Variants in CCSER1 observed in about 807,000 individuals in gnomAD.
CCSER1 encodes the protein coiled-coil serine rich protein 1.
Under a neutral mutation model 82.0 loss-of-function variants are expected in CCSER1, and 41 were observed. That is an observed-to-expected ratio of 0.50 (90% CI 0.39 to 0.65). The LOEUF is 0.65. Ranked by LOEUF, CCSER1 falls within the 30% of genes least tolerant of loss-of-function variation. The probability of loss-of-function intolerance (pLI) is 0.00; values close to 1 mark genes in which losing one functional copy is unlikely to be tolerated. For synonymous variants in CCSER1, 414 were observed against 383.9 expected (o/e 1.08, Z -0.92); for missense variants, 1,119 against 1,064.2 (o/e 1.05, Z -0.72).
At chr4:90,757,404 A>G (rs541995250) in intron 7 of CCSER1, among the ~76,000 whole-genome samples, 2 of 152,300 alleles carry the variant, frequency 1.3e-5, no homozygotes, top group South Asian at 4.1e-4. Flanking sequence ...TTTGGCTATT[A>G]TATCTCTCAA....
intron 8 of CCSER1, among the ~76,000 whole-genome samples, chr4:90,872,868 A>G (rs907447748): frequency 6.6e-6 from 1 of 151,874 alleles, no homozygotes; most frequent in Non-Finnish European, 1.5e-5. Context: ...TTCATGTTTG[A>G]AAGATATTTT....
intron 10 of CCSER1, among the ~76,000 whole-genome samples, chr4:91,237,994 G>A (rs747636784): frequency 2.0e-4 from 30 of 152,056 alleles, no homozygotes; most frequent in Admixed American, 5.2e-4. Flanking sequence ...GAAGCCTCTG[G>A]GGATAGAGAG....
chr4:91,309,997 C>G (rs1560581604), intron 10 of CCSER1, among the ~76,000 whole-genome samples: 1 of 151,948 alleles, frequency 6.6e-6, no homozygotes, highest in Non-Finnish European at 1.5e-5. Context: ...CCAGGCCTCT[C>G]TCTTAACATC....
At chr4:90,492,985 G>A (rs1408334344) in intron 5 of CCSER1, among the ~76,000 whole-genome samples, 2 of 152,068 alleles carry the variant, frequency 1.3e-5, no homozygotes, top group Non-Finnish European at 1.5e-5. Context: ...GAGGAAGTTC[G>A]AACCCTTTGA....
intron 3 of CCSER1, among the ~76,000 whole-genome samples, chr4:90,345,950 C>T (rs974485126): frequency 2.0e-5 from 3 of 151,952 alleles, no homozygotes; most frequent in African/African-American, 7.2e-5. Flanking sequence ...GGTTTTGGCT[C>T]TACCTGTCTT....
intron 10 of CCSER1, among the ~76,000 whole-genome samples, chr4:91,258,203 A>G (rs1022880401): frequency 2.6e-5 from 4 of 152,222 alleles, no homozygotes; most frequent in African/African-American, 9.6e-5. Context: ...GTAGAAATGT[A>G]TTTTTTTCAC....
chr4:90,767,131 A>G (rs554070094), intron 7 of CCSER1, among the ~76,000 whole-genome samples: 19 of 152,206 alleles, frequency 1.2e-4, no homozygotes, highest in Non-Finnish European at 2.1e-4. Context: ...GTTTGCCAAC[A>G]AAGCCTTCCG....
At chr4:90,486,945 T>G (rs1344087072) in intron 5 of CCSER1, among the ~76,000 whole-genome samples, 1 of 152,224 alleles carries the variant, frequency 6.6e-6, no homozygotes, top group Non-Finnish European at 1.5e-5. Context: ...AAAGTCTTGC[T>G]CTGTTGCCCA....
intron 5 of CCSER1, among the ~76,000 whole-genome samples, chr4:90,566,676 C>G (rs1321388619): frequency 1.3e-5 from 2 of 151,064 alleles, no homozygotes; most frequent in East Asian, 2.0e-4. Context: ...AATCTCGGCT[C>G]ACTGCAAGGT....
intron 6 of CCSER1, among the ~76,000 whole-genome samples, chr4:90,631,018 C>T (rs1028842700): frequency 4.6e-5 from 7 of 151,676 alleles, no homozygotes; most frequent in African/African-American, 7.3e-5. Context: ...CTCAGCCTCC[C>T]GAGTAGCTGG....
intron 10 of CCSER1, among the ~76,000 whole-genome samples, chr4:91,221,041 C>T (rs531947630): frequency 6.6e-6 from 1 of 152,118 alleles, no homozygotes; most frequent in African/African-American, 2.4e-5. Flanking sequence ...ATTAAGCTAC[C>T]TTTATGATAA....
chr4:90,838,576 T>C (rs1358862939), intron 8 of CCSER1, among the ~76,000 whole-genome samples: 1 of 151,426 alleles, frequency 6.6e-6, no homozygotes, highest in Non-Finnish European at 1.5e-5. Context: ...AAAATGGCAC[T>C]CTGATTAAAC....
rs1410022987 is a variant in CCSER1 at position 91,185,252 on chromosome 4, A to T, written c.2217+99258A>T. On this transcript the variant is annotated intron_variant, in intron 10 of 10. Coordinates refer to ENST00000509176, the MANE Select transcript of CCSER1 (RefSeq NM_001145065.2). ...TAATTTCACTTTTTCCCATTTCCAC[A>T]TATGGCACAATTAGGAGCTGTGCCA... 2.0e-5 allele frequency among the ~76,000 whole-genome samples: 3 copies of T among 152,186 alleles called. No individual in the cohort carries two copies. The South Asian group carries it at 6.2e-4, about 32-fold the overall frequency.
chr4:90,827,831 C>A (rs1181057510), intron 8 of CCSER1, among the ~76,000 whole-genome samples: 1 of 152,106 alleles, frequency 6.6e-6, no homozygotes, highest in Non-Finnish European at 1.5e-5. Flanking sequence ...ACAAATTTAT[C>A]ATGTGCACCA....
intron 5 of CCSER1, among the ~76,000 whole-genome samples, chr4:90,502,005 A>G (rs2153612211): frequency 6.6e-6 from 1 of 152,248 alleles, no homozygotes; most frequent in Non-Finnish European, 1.5e-5. Context: ...CAGACACAAA[A>G]CTCTACCATA....
chr4:91,019,819 G>A (rs1453269000), intron 9 of CCSER1, among the ~76,000 whole-genome samples: 1 of 152,166 alleles, frequency 6.6e-6, no homozygotes, highest in Non-Finnish European at 1.5e-5. Context: ...GCTTTAGACA[G>A]CATAATGGTT....
At chr4:91,550,188 A>C (rs1262275155) in intron 10 of CCSER1, among the ~76,000 whole-genome samples, 2 of 152,174 alleles carry the variant, frequency 1.3e-5, no homozygotes, top group Non-Finnish European at 2.9e-5. Context: ...AAATATTTCC[A>C]AACTTTCCTT....
At chr4:90,588,139 G>A (rs949468959) in intron 5 of CCSER1, among the ~76,000 whole-genome samples, 6 of 152,132 alleles carry the variant, frequency 3.9e-5, no homozygotes, top group East Asian at 1.9e-4. Flanking sequence ...ACTAATCAGC[G>A]TGGTGGCCAC....
At chr4:90,717,679 G>A (rs1008938589) in intron 6 of CCSER1, among the ~76,000 whole-genome samples, 1 of 151,124 alleles carries the variant, frequency 6.6e-6, no homozygotes, top group Admixed American at 6.6e-5. Flanking sequence ...ACTAGTGAAG[G>A]ACACACATTA....
Sources: gnomAD v4.1 joint callset for allele counts (sites outside exome capture counted in the v4.1 genomes callset) on GRCh38, gnomAD v4.1.1 for gene constraint, MANE v1.5 for transcripts, NCBI Gene and HGNC (gene_info 2026-07-23, HGNC 2026-07-21) for gene names.